Variants in RO60 observed in about 807,000 individuals in gnomAD.
RO60 encodes the protein RNA-binding protein RO60.
A neutral mutation model predicts 55.3 loss-of-function variants in RO60; 20 were observed. The ratio of observed to expected loss-of-function variants is 0.36; its 90% CI spans 0.25 to 0.53. The LOEUF (loss-of-function observed/expected upper bound fraction) is 0.53, where lower values mean the gene tolerates loss of function less well. Ranked by LOEUF, RO60 falls within the 20% of genes least tolerant of loss-of-function variation. The pLI is 0.92. For synonymous variants in RO60, 213 were observed against 213.6 expected, an observed-to-expected ratio of 1.00 and a Z score of 0.02; for missense variants, 558 against 646.6, an observed-to-expected ratio of 0.86 and a Z score of 1.49.
At chr1:193,079,294 G>T (rs1028751429) in intron 5 of RO60, among the ~76,000 whole-genome samples, 1 of 152,010 alleles carries the variant, frequency 6.6e-6, no homozygotes, top group Non-Finnish European at 1.5e-5. Context: ...TCACTGTGTT[G>T]GCCAGTCTGT....
At chr1:193,075,080 T>C (rs904209275) in intron 2 of RO60, among the ~76,000 whole-genome samples, 1 of 152,150 alleles carries the variant, frequency 6.6e-6, no homozygotes, top group African/African-American at 2.4e-5. Flanking sequence ...TGGTTTTATT[T>C]ATTTTATTTG....
Position 193,089,229 on chromosome 1 carries a change from C to G in RO60, c.*4498C>G, listed in dbSNP as rs1013817956. ...AAAAGATAAGTGCTTACTATATAAG[C>G]ACTCTTAGAAAAATAATTAACTGAT... is the stretch of plus-strand genomic sequence containing the variant. On this transcript the variant is annotated 3_prime_UTR_variant, in exon 9 of 9. Coordinates refer to ENST00000400968, the MANE Select transcript of RO60 (RefSeq NM_001173524.2). 2 of 152,096 alleles carry G rather than the reference C, an allele frequency of 1.3e-5. No individual in the cohort carries two copies. The highest frequency in any genetic ancestry group is 2.9e-5 in the Non-Finnish European group (2 of 67,996). 9.4% of individuals were successfully genotyped at this position (152,096 alleles called of 1,614,324 possible).
At chr1:193,070,284 T>C (rs1365450123) in intron 2 of RO60, among the ~76,000 whole-genome samples, 1 of 152,122 alleles carries the variant, frequency 6.6e-6, no homozygotes, top group African/African-American at 2.4e-5. Context: ...CCATGGAACC[T>C]AAAGGAATAT....
At chr1:193,064,138 T>A (rs1362479164) in intron 1 of RO60, among the ~76,000 whole-genome samples, 1 of 152,186 alleles carries the variant, frequency 6.6e-6, no homozygotes, top group African/African-American at 2.4e-5. Context: ...CAGTTTTTGT[T>A]CACCAAGGAT....
chr1:193,060,064 C>G, intron 1 of RO60: 1 of 1,317,470 alleles, frequency 7.6e-7, no homozygotes, highest in Non-Finnish European at 1.0e-6. Context: ...CCCCACAGGC[C>G]GACGTCGAGA....
intron 1 of RO60, among the ~76,000 whole-genome samples, chr1:193,062,761 A>G (rs1672865164): frequency 6.6e-6 from 1 of 152,250 alleles, no homozygotes; most frequent in Admixed American, 6.5e-5. Flanking sequence ...TGGAAAATTC[A>G]TATAAATGGA....
At chr1:193,073,566 GTGTTTGTT>G (rs551668164) in intron 2 of RO60, among the ~76,000 whole-genome samples, 12 of 151,934 alleles carry the variant, frequency 7.9e-5, no homozygotes, top group Admixed American at 2.0e-4. Flanking sequence ...TTACATCACT[GTGTTTGTT>G]TGTTTGTTTG....
intron 1 of RO60, among the ~76,000 whole-genome samples, chr1:193,067,444 C>G (rs911241505): frequency 6.6e-6 from 1 of 152,040 alleles, no homozygotes; most frequent in South Asian, 2.1e-4. Flanking sequence ...CTCGGCCTCC[C>G]AAAGTGCTGG....
Position 193,084,831 on chromosome 1 carries a change from G to A in RO60, c.*100G>A, listed in dbSNP as rs1674549221. 3 of 1,528,568 alleles carry A rather than the reference G, an allele frequency of 2.0e-6. No individual in the cohort carries two copies. The highest frequency in any genetic ancestry group is 2.6e-6 in the Non-Finnish European group (3 of 1,145,546). The allele number at this position is 1,528,568 out of a possible 1,614,324, so 94.7% of individuals were successfully genotyped here. A position where few individuals can be genotyped will look rare whatever the true frequency, so the allele number is the denominator to read the frequency against. On this transcript the variant is annotated 3_prime_UTR_variant, in exon 9 of 9. Coordinates refer to ENST00000400968, the MANE Select transcript of RO60 (RefSeq NM_001173524.2). ...TAATCTCCACCCAATGAATGATGAT[G>A]GTATAGTATGTGCATAATGGAAAGT...
intron 1 of RO60, 103 bp from the exon 2 acceptor site, chr1:193,068,931 A>T: frequency 1.3e-6 from 1 of 742,376 alleles, no homozygotes; most frequent in Non-Finnish European, 2.1e-6. Context: ...AGATGTTTTT[A>T]AATTAAAAGA....
At position 193,082,230 on chromosome 1, in the gene RO60, C is replaced by T. The variant is rs771172824; in HGVS notation, c.1248C>T (p.Ser416=). ...AAGATTCTTATGTAGTTGCTTTTTCCGATGAAATGGTACCATGTCCAGTGA... is the reference window on the plus strand; with the variant it reads ...AAGATTCTTATGTAGTTGCTTTTTCTGATGAAATGGTACCATGTCCAGTGA... The part of the protein sequence containing the change: ...TEKDSYVVAF[S]DEMVPCPVTT... The change falls in exon 7 of 9, where the codon TCC becomes TCT. Residue 416 remains serine (S), a synonymous_variant. Coordinates refer to ENST00000400968, the MANE Select transcript of RO60 (RefSeq NM_001173524.2). The T allele has an allele frequency of 9.9e-6, 16 of 1,612,902 alleles. No individual in the cohort carries two copies. The highest frequency in any genetic ancestry group is 2.2e-5 in the South Asian group (2 of 90,918).
chr1:193,090,638 CT>C lies in RO60; in HGVS notation c.*5910del, dbSNP rs1341424305. On this transcript the variant is annotated 3_prime_UTR_variant, in exon 9 of 9. Transcript: ENST00000400968. ...ACTGTCCATTTGCTTTATATAAAGGCTTTGATTTCAATAACTGACCATTTGA... is the reference window on the plus strand; with the variant it reads ...ACTGTCCATTTGCTTTATATAAAGGCTTGATTTCAATAACTGACCATTTGA... 2 of 151,582 alleles carry C rather than the reference CT, an allele frequency of 1.3e-5. No homozygotes were observed. The highest frequency in any genetic ancestry group is 2.9e-5 in the Non-Finnish European group (2 of 67,908). 9.4% of individuals were successfully genotyped at this position (151,582 alleles called of 1,614,324 possible). A position where few individuals can be genotyped will look rare whatever the true frequency, so the allele number is the denominator to read the frequency against.
In RO60 at chr1:193,059,719, C is replaced by G; in HGVS notation, c.-79C>G. 1 of 1,353,190 alleles carries G rather than the reference C, an allele frequency of 7.4e-7. No individual in the cohort carries two copies. 83.8% of individuals were successfully genotyped at this position (1,353,190 alleles called of 1,614,324 possible). ...TGCCTTCTTTTGTCGTTTCCCAGCG[C>G]TGCGCAGGACTTCTCCTGGCGGCGC... On this transcript the variant is annotated 5_prime_UTR_variant, in exon 1 of 9. Transcript: ENST00000400968. The surrounding 1 kb of genome is among the most constrained non-coding windows in gnomAD (Gnocchi z 4.9).
Position 193,081,488 on chromosome 1 carries a change from C to T in RO60, c.1203+8C>T. ...GCTGCAGCAATGTGCATGGTGAGAA[C>T]ACCTAAGACAATTTTGCCATTCTAA... On this transcript the variant is annotated splice_region_variant and intron_variant, in intron 6 of 8. Coordinates refer to ENST00000400968, the MANE Select transcript of RO60 (RefSeq NM_001173524.2). 6.6e-7 allele frequency: 1 copy of T among 1,523,486 alleles called. No homozygotes were observed. Among genetic ancestry groups the T allele is most frequent in the Non-Finnish European group, 9.1e-7 (1 of 1,102,266 alleles). The allele number at this position is 1,523,486 out of a possible 1,614,324, so 94.4% of individuals were successfully genotyped here.
chr1:193,064,104 G>T (rs570118820), intron 1 of RO60, among the ~76,000 whole-genome samples: 2 of 152,300 alleles, frequency 1.3e-5, no homozygotes, highest in Non-Finnish European at 2.9e-5. Context: ...TGTGAAATGT[G>T]GGCACATCAC....
chr1:193,070,497 T>C (rs975627291), intron 2 of RO60: 24 of 400,854 alleles, frequency 6.0e-5, no homozygotes, highest in Non-Finnish European at 1.0e-4. Context: ...AAGTGTGAAG[T>C]TCCACAAAAA....
At position 193,079,924 on chromosome 1, in the gene RO60, C is replaced by T. The variant is rs534759945; in HGVS notation, c.1087-1440C>T. The stretch of plus-strand genomic sequence containing the variant: ...GGTTGATCACCTGAGGTCAGGAGTT[C>T]GAGACCAGCCTGGCCAACATGGTGA... On this transcript the variant is annotated intron_variant, in intron 5 of 8. Coordinates refer to ENST00000400968, the MANE Select transcript of RO60 (RefSeq NM_001173524.2). Among the ~76,000 whole-genome samples, 6 of 148,428 alleles carry T rather than the reference C, an allele frequency of 4.0e-5. No individual in the cohort carries two copies. The East Asian group carries it at 9.9e-4, about 24-fold the overall frequency.
At chr1:193,079,992 G>A (rs753175960) in intron 5 of RO60, among the ~76,000 whole-genome samples, 11 of 151,482 alleles carry the variant, frequency 7.3e-5, no homozygotes, top group Middle Eastern at 3.4e-3. Flanking sequence ...TTAGCTGAGT[G>A]TGGTGGCGGG....
intron 3 of RO60, 26 bp from the exon 4 acceptor site, chr1:193,076,475 T>C: frequency 6.2e-7 from 1 of 1,603,220 alleles, no homozygotes; most frequent in East Asian, 2.2e-5. Flanking sequence ...TAATTCCTGG[T>C]ATTTCTGCCT....
Sources: allele counts gnomAD v4.1 joint callset (sites outside exome capture counted in the v4.1 genomes callset), GRCh38; gene constraint gnomAD v4.1.1; non-coding constraint Gnocchi (gnomAD v3.1); transcripts MANE v1.5; gene names NCBI Gene and HGNC (gene_info 2026-07-23, HGNC 2026-07-21).